Variants in ITFG1 observed in about 807,000 individuals in gnomAD.
ITFG1 encodes the protein integrin alpha FG-GAP repeat containing 1, also known as T-cell immunomodulatory protein.
Under a neutral mutation model 81.8 loss-of-function variants are expected in ITFG1, and 34 were observed. The observed-to-expected ratio is 0.42, with a 90% confidence interval of 0.32 to 0.55. The LOEUF (loss-of-function observed/expected upper bound fraction) is 0.55, where lower values mean the gene tolerates loss of function less well. ITFG1 is among the 20% of genes least tolerant of loss of function. ITFG1 has a pLI of 0.17. For missense variants in ITFG1, 672 were observed against 755.4 expected (o/e 0.89, Z 1.29); for synonymous variants, 285 against 270.6 (o/e 1.05, Z -0.52).
At chr16:47,430,861 A>T (rs1969086837) in intron 5 of ITFG1, among the ~76,000 whole-genome samples, 2 of 152,226 alleles carry the variant, frequency 1.3e-5, no homozygotes, top group Non-Finnish European at 2.9e-5. Context: ...ACAAACAAAT[A>T]CTTGAAAAAT....
At chr16:47,345,789 A>C (rs754665380) in intron 8 of ITFG1, among the ~76,000 whole-genome samples, 5 of 152,200 alleles carry the variant, frequency 3.3e-5, no homozygotes, top group Non-Finnish European at 5.9e-5. Context: ...ATGGTACTAT[A>C]ATTTCATGGG....
chr16:47,416,660 T>TC (rs1426838107), intron 6 of ITFG1, among the ~76,000 whole-genome samples: 4 of 151,940 alleles, frequency 2.6e-5, no homozygotes, highest in African/African-American at 9.7e-5. Context: ...AGCCTGGCAT[T>TC]CCCCCCTCTC....
intron 6 of ITFG1, among the ~76,000 whole-genome samples, chr16:47,383,888 G>C (rs1305567869): frequency 6.6e-6 from 1 of 152,190 alleles, no homozygotes; most frequent in African/African-American, 2.4e-5. Context: ...TGGGCAACGA[G>C]AGCAAAACTC....
At chr16:47,264,006 C>G (rs1366398264) in intron 10 of ITFG1, among the ~76,000 whole-genome samples, 1 of 152,058 alleles carries the variant, frequency 6.6e-6, no homozygotes, top group Non-Finnish European at 1.5e-5. Flanking sequence ...AAACTATTGG[C>G]GACAAACAGT....
At chr16:47,267,082 G>A (rs138254182) in intron 10 of ITFG1, among the ~76,000 whole-genome samples, 148 of 152,232 alleles carry the variant, frequency 9.7e-4, no homozygotes, top group African/African-American at 3.3e-3. Context: ...GCTTCATTCG[G>A]GGTTAATGAA....
intron 14 of ITFG1, among the ~76,000 whole-genome samples, chr16:47,181,489 C>T: frequency 7.1e-6 from 1 of 141,268 alleles, no homozygotes; most frequent in Admixed American, 6.9e-5. Flanking sequence ...GCCGCCCCGT[C>T]CGGGAGGGAG....
At chr16:47,278,737 G>A (rs1398345810) in intron 10 of ITFG1, among the ~76,000 whole-genome samples, 4 of 152,180 alleles carry the variant, frequency 2.6e-5, no homozygotes, top group Non-Finnish European at 4.4e-5. Flanking sequence ...GGGAGGAAGG[G>A]AGAGACTTAC....
chr16:47,294,816 T>A (rs1966958789), intron 10 of ITFG1, among the ~76,000 whole-genome samples: 1 of 152,170 alleles, frequency 6.6e-6, no homozygotes, highest in South Asian at 2.1e-4. Context: ...ATACAGATAG[T>A]TTGACTTTCT....
At chr16:47,326,470 C>T (rs1286334096) in intron 8 of ITFG1, among the ~76,000 whole-genome samples, 3 of 152,046 alleles carry the variant, frequency 2.0e-5, no homozygotes, top group African/African-American at 7.3e-5. Context: ...GAAGTTCTGG[C>T]CAGGGCAATT....
At chr16:47,440,885 A>G (rs1041441882) in intron 5 of ITFG1, among the ~76,000 whole-genome samples, 1 of 152,204 alleles carries the variant, frequency 6.6e-6, no homozygotes, top group African/African-American at 2.4e-5. Context: ...TCAAAAAATC[A>G]ATGAATCCAG....
chr16:47,461,212 G>C (rs1194929953), upstream of ITFG1: 1 of 969,370 alleles, frequency 1.0e-6, no homozygotes, highest in African/African-American at 1.7e-5. Flanking sequence ...CGCTAAAAAA[G>C]CAGTGGAGCT....
chr16:47,266,498 G>A (rs1276467114), intron 10 of ITFG1, among the ~76,000 whole-genome samples: 21 of 152,156 alleles, frequency 1.4e-4, no homozygotes, highest in Non-Finnish European at 1.5e-5. Flanking sequence ...AATTACAGGC[G>A]TGAGCCACTG....
chr16:47,334,315 A>AT (rs1967674983), intron 8 of ITFG1, among the ~76,000 whole-genome samples: 1 of 152,064 alleles, frequency 6.6e-6, no homozygotes, highest in South Asian at 2.1e-4. Context: ...GTAGTCCCAA[A>AT]TACTTAAGAG....
intron 5 of ITFG1, among the ~76,000 whole-genome samples, chr16:47,433,861 T>A (rs1371225129): frequency 1.5e-4 from 1 of 6,476 alleles, no homozygotes; most frequent in Non-Finnish European, 2.6e-4. Flanking sequence ...AAACTGAATA[T>A]ATATATATAT....
At chr16:47,283,118 T>C (rs566621312) in intron 10 of ITFG1, among the ~76,000 whole-genome samples, 4 of 152,174 alleles carry the variant, frequency 2.6e-5, no homozygotes, top group Non-Finnish European at 4.4e-5. Context: ...TTTGTTTTTA[T>C]TGTGTTTGCT....
At chr16:47,206,213 A>G (rs1206426914) in intron 14 of ITFG1, among the ~76,000 whole-genome samples, 1 of 152,144 alleles carries the variant, frequency 6.6e-6, no homozygotes, top group Non-Finnish European at 1.5e-5. Context: ...TATCTAAGCT[A>G]TAATACCAAC....
intron 10 of ITFG1, among the ~76,000 whole-genome samples, chr16:47,281,760 CCT>C (rs776048505): frequency 3.2e-4 from 48 of 152,106 alleles, no homozygotes; most frequent in Non-Finnish European, 5.6e-4. Context: ...AACTAACAAT[CCT>C]CTCTTTTTTT....
chr16:47,380,751 G>C (rs1473998840), intron 6 of ITFG1, among the ~76,000 whole-genome samples: 1 of 152,064 alleles, frequency 6.6e-6, no homozygotes, highest in South Asian at 2.1e-4. Flanking sequence ...TTTTGGATAT[G>C]GGTTTGTCTT....
intron 14 of ITFG1, among the ~76,000 whole-genome samples, chr16:47,216,326 T>C (rs1965624384): frequency 6.6e-6 from 1 of 152,124 alleles, no homozygotes; most frequent in Non-Finnish European, 1.5e-5. Context: ...CCGAAGTAGC[T>C]GGGACTACAG....
Sources: gnomAD v4.1 joint callset for allele counts (sites outside exome capture counted in the v4.1 genomes callset) on GRCh38, gnomAD v4.1.1 for gene constraint, MANE v1.5 for transcripts, NCBI Gene and HGNC (gene_info 2026-07-23, HGNC 2026-07-21) for gene names.